The following TRIM59 variants were observed in gnomAD, a reference collection of about 807,000 sequenced individuals.
TRIM59 encodes tripartite motif-containing protein 59.
In TRIM59, 14 loss-of-function variants were observed where a neutral mutation model predicts 32.2. That is an observed-to-expected ratio of 0.43 (90% CI 0.29 to 0.68). The LOEUF (loss-of-function observed/expected upper bound fraction) is 0.68. TRIM59 is among the 30% of genes least tolerant of loss of function. The pLI is 0.15. For synonymous variants in TRIM59, 163 were observed against 155.1 expected (o/e 1.05, Z -0.38); for missense variants, 471 against 463.3 (o/e 1.02, Z -0.15).
intron 2 of TRIM59, among the ~76,000 whole-genome samples, chr3:160,441,520 G>A (rs1184379283): frequency 6.6e-6 from 1 of 152,092 alleles, no homozygotes; most frequent in Non-Finnish European, 1.5e-5. Context: ...TTGGGAGGCC[G>A]AGGTGGGTGA....
Position 160,436,024 on chromosome 3 carries a change from A to G in TRIM59, c.*1948T>C, listed in dbSNP as rs1386434796. 8.2e-7 allele frequency: 1 copy of G among 1,220,124 alleles called. No individual in the cohort carries two copies. The highest frequency in any genetic ancestry group is 1.6e-5 in the African/African-American group (1 of 63,524). 75.6% of individuals were successfully genotyped at this position (1,220,124 alleles called of 1,614,324 possible). A position where few individuals can be genotyped will look rare whatever the true frequency, so the allele number is the denominator to read the frequency against. Reference sequence around the variant, plus strand: ...ACTTTTATGGTGTGACTAGTATTTTAAGTAATCAGTGCAACTTAGTATTTT... The same window carrying G: ...ACTTTTATGGTGTGACTAGTATTTTGAGTAATCAGTGCAACTTAGTATTTT... On this transcript the variant is annotated 3_prime_UTR_variant, in exon 3 of 3. Coordinates refer to ENST00000309784, the MANE Select transcript of TRIM59 (RefSeq NM_173084.3).
chr3:160,449,753 G>T lies in TRIM59; in HGVS notation c.-110C>A. 7.8e-7 allele frequency: 1 copy of T among 1,287,408 alleles called. No homozygotes were observed. The highest frequency in any genetic ancestry group is 1.0e-6 in the Non-Finnish European group (1 of 986,692). The allele number at this position is 1,287,408 out of a possible 1,614,324, so 79.7% of individuals were successfully genotyped here. ...AGCGGACCAGGCAACTCCACAGCAC[G>T]GAAACACAGCGCCACGAGCTCCAGG... is the stretch of plus-strand genomic sequence containing the variant. On this transcript the variant is annotated 5_prime_UTR_variant, in exon 1 of 3. Coordinates refer to ENST00000309784, the MANE Select transcript of TRIM59 (RefSeq NM_173084.3).
At chr3:160,439,233 C>A in intron 2 of TRIM59, 47 bp from the exon 3 acceptor site, 1 of 1,418,958 alleles carries the variant, frequency 7.0e-7, no homozygotes, top group Non-Finnish European at 9.3e-7. Context: ...GACACCTGTA[C>A]ATATTATTTA....
intron 2 of TRIM59, 92 bp downstream of exon 2, chr3:160,448,634 A>C: frequency 1.3e-6 from 1 of 745,668 alleles, no homozygotes; most frequent in African/African-American, 1.9e-5. Context: ...GTTTTTTCAA[A>C]AGACTTCTAA....
At chr3:160,441,222 C>T (rs1476741056) in intron 2 of TRIM59, among the ~76,000 whole-genome samples, 2 of 152,120 alleles carry the variant, frequency 1.3e-5, no homozygotes, top group Admixed American at 6.5e-5. Context: ...TTTCTGTATA[C>T]ATTAGAATGT....
intron 1 of TRIM59, chr3:160,449,028 AAGT>A (rs1165763236): frequency 2.2e-5 from 6 of 272,310 alleles, no homozygotes; most frequent in African/African-American, 1.4e-4. Context: ...TCACAACGTC[AAGT>A]AGCTTATGAG....
rs1273911411 is a variant in TRIM59 at position 160,439,146 on chromosome 3, CA to C, written c.37del (p.Cys13ValfsTer67). 1.3e-6 allele frequency: 2 copies of C among 1,509,466 alleles called. No individual in the cohort carries two copies. Among genetic ancestry groups the C allele is most frequent in the Non-Finnish European group, 8.8e-7 (1 of 1,130,962 alleles). The allele number at this position is 1,509,466 out of a possible 1,614,324, so 93.5% of individuals were successfully genotyped here. On this transcript the variant is annotated frameshift_variant, in exon 3 of 3. Transcript: ENST00000309784. LOFTEE classifies it high-confidence loss of function. ...NFEEELTCPICYSIFEDPRVL... is the reference protein window; with the variant it reads ...NFEEELTCPIXYSIFEDPRVL... ...ACGAGGATCTTCAAAAATACTATAACATATGGGACAAGTTAACTCTTCCTCA... is the reference window on the plus strand; with the variant it reads ...ACGAGGATCTTCAAAAATACTATAACTATGGGACAAGTTAACTCTTCCTCA...
intron 2 of TRIM59, among the ~76,000 whole-genome samples, chr3:160,442,710 CT>C (rs746453736): frequency 1.1e-4 from 17 of 152,154 alleles, no homozygotes; most frequent in Non-Finnish European, 1.8e-4. Flanking sequence ...CCTTTTCTCA[CT>C]GATTTATTGA....
At chr3:160,449,403 T>G (rs977702259) in intron 1 of TRIM59, 2 of 948,794 alleles carry the variant, frequency 2.1e-6, no homozygotes, top group Non-Finnish European at 2.7e-6. Flanking sequence ...CTAACGCGCC[T>G]CCACCTCGGC....
chr3:160,449,400 G>T, intron 1 of TRIM59: 2 of 860,010 alleles, frequency 2.3e-6, no homozygotes, highest in African/African-American at 1.8e-5. Flanking sequence ...CTCCTAACGC[G>T]CCTCCACCTC....
rs1304199891 is a variant in TRIM59 at position 160,448,933 on chromosome 3, C to A, written c.-73-138G>T. On this transcript the variant is annotated intron_variant, in intron 1 of 2. Transcript: ENST00000309784. Reference sequence around the variant, plus strand: ...TTCAGAAAAGCCACAAACACCAACACAGTTGCTGGAGCTGCAGTAGAGGTA... The same window carrying A: ...TTCAGAAAAGCCACAAACACCAACAAAGTTGCTGGAGCTGCAGTAGAGGTA... 2.5e-5 allele frequency: 10 copies of A among 394,912 alleles called. No individual in the cohort carries two copies. In the East Asian group the frequency reaches 7.9e-4, roughly 31 times the overall value. The allele number at this position is 394,912 out of a possible 1,614,324, so 24.5% of individuals were successfully genotyped here. A position where few individuals can be genotyped will look rare whatever the true frequency, so the allele number is the denominator to read the frequency against.
rs201364033 is a variant in TRIM59, at chr3:160,438,287, G to A, written c.897C>T (p.Asn299=). The A allele has an allele frequency of 3.7e-5, 60 of 1,613,724 alleles. No individual in the cohort carries two copies. Among genetic ancestry groups the A allele is most frequent in the South Asian group, 3.5e-4 (32 of 91,046 alleles). The part of the protein sequence containing the change: ...WSRTEIGQIK[N]VLIPKMKISP... ...AAATTTTCATTTTGGGAATGAGAAC[G>A]TTCTTAATTTGTCCAATTTCTGTTC... Residue 299 remains asparagine (N), a synonymous_variant, in exon 3 of 3, where the codon AAC becomes AAT. Coordinates refer to ENST00000309784, the MANE Select transcript of TRIM59 (RefSeq NM_173084.3).
At chr3:160,440,269 T>G (rs912953817) in intron 2 of TRIM59, among the ~76,000 whole-genome samples, 2 of 152,226 alleles carry the variant, frequency 1.3e-5, no homozygotes, top group African/African-American at 4.8e-5. Context: ...AACTGTGAAT[T>G]AATTTTTAAG....
intron 1 of TRIM59, chr3:160,449,334 CA>C (rs1277050980): frequency 2.7e-6 from 1 of 366,028 alleles, no homozygotes; most frequent in African/African-American, 2.2e-5. Flanking sequence ...CAAAGGGGCT[CA>C]AAATGGCAGT....
At chr3:160,443,706 C>T (rs1292679609) in intron 2 of TRIM59, among the ~76,000 whole-genome samples, 5 of 151,970 alleles carry the variant, frequency 3.3e-5, no homozygotes, top group African/African-American at 1.2e-4. Context: ...TGGCCGCTAT[C>T]TCCTCTCACT....
At chr3:160,447,227 T>C (rs979444686) in intron 2 of TRIM59, among the ~76,000 whole-genome samples, 1 of 152,222 alleles carries the variant, frequency 6.6e-6, no homozygotes, top group African/African-American at 2.4e-5. Context: ...AATCAATTTA[T>C]ACTACTGTAT....
In TRIM59 at chr3:160,435,949, C is replaced by T; in HGVS notation, c.*2023G>A. 7.8e-7 allele frequency: 1 copy of T among 1,282,360 alleles called. No individual in the cohort carries two copies. Among genetic ancestry groups the T allele is most frequent in the Non-Finnish European group, 1.0e-6 (1 of 986,066 alleles). The allele number at this position is 1,282,360 out of a possible 1,614,324, so 79.4% of individuals were successfully genotyped here. A position where few individuals can be genotyped will look rare whatever the true frequency, so the allele number is the denominator to read the frequency against. ...ACAGAAATGAGATTAAGTAGTTTAA[C>T]ACATAATGGCTAACATTTCATTGCT... On this transcript the variant is annotated 3_prime_UTR_variant, in exon 3 of 3. Coordinates refer to ENST00000309784, the MANE Select transcript of TRIM59 (RefSeq NM_173084.3).
At chr3:160,444,960 TA>T (rs759872006) in intron 2 of TRIM59, among the ~76,000 whole-genome samples, 6 of 152,000 alleles carry the variant, frequency 3.9e-5, no homozygotes, top group Non-Finnish European at 8.8e-5. Context: ...AGCCACGACA[TA>T]ATTTATTCAT....
In TRIM59 at chr3:160,449,676, A is replaced by C. The variant is rs747669320; in HGVS notation, c.-74+41T>G. The C allele has an allele frequency of 1.3e-5, 17 of 1,289,696 alleles. No individual in the cohort carries two copies. The South Asian group carries it at 2.0e-4, about 15-fold the overall frequency. The allele number at this position is 1,289,696 out of a possible 1,614,324, so 79.9% of individuals were successfully genotyped here. The stretch of plus-strand genomic sequence containing the variant: ...TGCTACAGGAAAAGAAAAAGGACTC[A>C]GAACCACCTTCTCCGCATCCGTAAA... On this transcript the variant is annotated intron_variant, in intron 1 of 2. Coordinates refer to ENST00000309784, the MANE Select transcript of TRIM59 (RefSeq NM_173084.3).
Sources: gnomAD v4.1 joint callset for allele counts (sites outside exome capture counted in the v4.1 genomes callset) on GRCh38, gnomAD v4.1.1 for gene constraint, MANE v1.5 for transcripts, NCBI Gene and HGNC (gene_info 2026-07-23, HGNC 2026-07-21) for gene names.